The following FGF12 variants were observed in gnomAD, a reference collection of about 807,000 sequenced individuals.
FGF12 encodes the protein fibroblast growth factor 12, also known as fibroblast growth factor 12B.
FGF12 carries 14 observed loss-of-function variants against 23.6 expected under a neutral mutation model. The observed-to-expected ratio is 0.59, with a 90% CI of 0.39 to 0.93. The LOEUF is 0.93. FGF12 is among the 40% of genes least tolerant of loss of function. The pLI is 0.00. For synonymous variants in FGF12, 62 were observed against 77.3 expected, an observed-to-expected ratio of 0.80 and a Z score of 1.04; for missense variants, 175 against 217.8, an observed-to-expected ratio of 0.80 and a Z score of 1.24.
chr3:192,595,752 C>T (rs899093013), intron 2 of FGF12, among the ~76,000 whole-genome samples: 3 of 152,122 alleles, frequency 2.0e-5, no homozygotes, highest in South Asian at 2.1e-4. Flanking sequence ...TTCACTGTAA[C>T]AATTTGACAA....
chr3:192,456,617 A>T (rs1329252768), intron 2 of FGF12, among the ~76,000 whole-genome samples: 1 of 152,226 alleles, frequency 6.6e-6, no homozygotes, highest in African/African-American at 2.4e-5. Context: ...AAAAATTTTT[A>T]AAAATAATTT....
At chr3:192,629,715 AAG>A (rs1715311955) in intron 2 of FGF12, among the ~76,000 whole-genome samples, 1 of 152,208 alleles carries the variant, frequency 6.6e-6, no homozygotes, top group Non-Finnish European at 1.5e-5. Context: ...AAATGATGAT[AAG>A]AGAAAATACT....
At chr3:192,385,672 C>G (rs575640209) in intron 2 of FGF12, among the ~76,000 whole-genome samples, 2 of 152,140 alleles carry the variant, frequency 1.3e-5, no homozygotes, top group South Asian at 4.1e-4. Flanking sequence ...TATGTCCAAG[C>G]AACATCCACC....
intron 2 of FGF12, among the ~76,000 whole-genome samples, chr3:192,431,199 C>A (rs1276498345): frequency 6.6e-6 from 1 of 152,140 alleles, no homozygotes; most frequent in Non-Finnish European, 1.5e-5. Flanking sequence ...CACAATGAAT[C>A]CCAGAGATAA....
chr3:192,183,095 C>T (rs537087947), intron 4 of FGF12, among the ~76,000 whole-genome samples: 1 of 152,148 alleles, frequency 6.6e-6, no homozygotes, highest in East Asian at 1.9e-4. Flanking sequence ...GAAACGTGGA[C>T]TGGGACGCAG....
chr3:192,191,902 G>A (rs1300851870), intron 4 of FGF12, among the ~76,000 whole-genome samples: 1 of 151,348 alleles, frequency 6.6e-6, no homozygotes. Flanking sequence ...GATAAAGAAA[G>A]ATACACAGAG....
chr3:192,469,945 CA>C (rs1723123460), intron 2 of FGF12, among the ~76,000 whole-genome samples: 1 of 152,126 alleles, frequency 6.6e-6, no homozygotes, highest in South Asian at 2.1e-4. Flanking sequence ...ATATTTGGCA[CA>C]TATCAGATTC....
intron 4 of FGF12, among the ~76,000 whole-genome samples, chr3:192,256,637 A>G (rs1334817489): frequency 1.3e-5 from 2 of 152,166 alleles, no homozygotes; most frequent in African/African-American, 2.4e-5. Flanking sequence ...TCCCTTAAAA[A>G]TGCTCTTTGA....
chr3:192,534,792 T>A (rs1276020522), intron 2 of FGF12, among the ~76,000 whole-genome samples: 1 of 152,156 alleles, frequency 6.6e-6, no homozygotes, highest in Admixed American at 6.6e-5. Context: ...TAATACTAAT[T>A]TTGAATAAAA....
At chr3:192,252,575 T>C (rs1321809537) in intron 4 of FGF12, among the ~76,000 whole-genome samples, 1 of 127,806 alleles carries the variant, frequency 7.8e-6, no homozygotes, top group African/African-American at 3.0e-5. Flanking sequence ...ACCGAGGAAA[T>C]AAAAATGTAT....
At position 192,448,269 on chromosome 3, in the gene FGF12, T is replaced by C. The variant is rs966383968; in HGVS notation, c.14-87731A>G. ...CTTAATGAAATGAGCTGCAGAAATC[T>C]ACCAAGGATGTGGAAAACTGTTTTC... On this transcript the variant is annotated intron_variant, in intron 2 of 5. Coordinates refer to ENST00000445105, the MANE Select transcript of FGF12 (RefSeq NM_004113.6). 1.6e-4 allele frequency among the ~76,000 whole-genome samples: 25 copies of C among 152,210 alleles called. No homozygotes were observed. In the East Asian group the frequency reaches 4.4e-3, roughly 27 times the overall value.
intron 2 of FGF12, among the ~76,000 whole-genome samples, chr3:192,454,971 T>C (rs1056911849): frequency 4.6e-5 from 7 of 152,182 alleles, no homozygotes; most frequent in African/African-American, 1.7e-4. Context: ...ATAATTATTT[T>C]AATTATTAAT....
chr3:192,657,086 T>C (rs112558183), intron 2 of FGF12, among the ~76,000 whole-genome samples: 7 of 146,912 alleles, frequency 4.8e-5, no homozygotes, highest in African/African-American at 1.5e-4. Context: ...TGGATATCTA[T>C]GTTCTCTGCT....
chr3:192,679,612 G>A (rs558258684), intron 2 of FGF12, among the ~76,000 whole-genome samples: 29 of 150,450 alleles, frequency 1.9e-4, no homozygotes, highest in Middle Eastern at 3.5e-3. Context: ...TCTCCTCACC[G>A]TCCCCCACCC....
intron 2 of FGF12, among the ~76,000 whole-genome samples, chr3:192,657,678 A>G (rs1363921808): frequency 3.3e-5 from 5 of 152,162 alleles, no homozygotes; most frequent in Non-Finnish European, 5.9e-5. Context: ...AGACATTTTA[A>G]TCATAATTTT....
At chr3:192,511,902 G>A (rs943777454) in intron 2 of FGF12, among the ~76,000 whole-genome samples, 10 of 151,972 alleles carry the variant, frequency 6.6e-5, no homozygotes, top group African/African-American at 1.9e-4. Flanking sequence ...AGGAAAGACC[G>A]GAGCAATAAT....
At chr3:192,244,846 C>CG (rs1719802253) in intron 4 of FGF12, 1 of 152,116 alleles carries the variant, frequency 6.6e-6, no homozygotes, top group South Asian at 2.1e-4. Context: ...ATTAATGCAG[C>CG]TTTACCTTAC....
At chr3:192,176,370 G>A (rs546984218) in intron 4 of FGF12, among the ~76,000 whole-genome samples, 2 of 152,242 alleles carry the variant, frequency 1.3e-5, no homozygotes, top group Middle Eastern at 3.4e-3. Flanking sequence ...GAATCACGAT[G>A]GTTTTTCTTG....
At chr3:192,225,608 T>C (rs930787295) in intron 4 of FGF12, among the ~76,000 whole-genome samples, 7 of 152,026 alleles carry the variant, frequency 4.6e-5, no homozygotes, top group South Asian at 2.1e-4. Flanking sequence ...TCCTACTTTA[T>C]ATATATATAA....
Sources: allele counts gnomAD v4.1 joint callset (sites outside exome capture counted in the v4.1 genomes callset), GRCh38; gene constraint gnomAD v4.1.1; transcripts MANE v1.5; gene names NCBI Gene and HGNC (gene_info 2026-07-23, HGNC 2026-07-21).